Variants in GPT2 observed in about 807,000 individuals in gnomAD.
The protein encoded by GPT2 is alanine aminotransferase 2.
Under a neutral mutation model 56.9 loss-of-function variants are expected in GPT2, and 30 were observed. The observed-to-expected ratio is 0.53, with a 90% confidence interval of 0.39 to 0.72. The LOEUF is 0.72. Ranked by LOEUF, GPT2 falls within the 30% of genes least tolerant of loss-of-function variation. The pLI is 0.00. For synonymous variants in GPT2, 271 were observed against 283.1 expected (o/e 0.96, Z 0.43); for missense variants, 542 against 703.4 (o/e 0.77, Z 2.60).
At chr16:46,884,623 G>A (rs578140583) in intron 1 of GPT2, 71 bp from the exon 2 acceptor site, 1 of 1,299,386 alleles carries the variant, frequency 7.7e-7, no homozygotes, top group Non-Finnish European at 9.8e-7. Context: ...CCTTGGCTGG[G>A]CTTGTGTGGG....
intron 7 of GPT2, among the ~76,000 whole-genome samples, chr16:46,917,982 C>G (rs560479306): frequency 2.4e-4 from 37 of 152,202 alleles, no homozygotes; most frequent in Non-Finnish European, 4.4e-4. Context: ...GACCCTCCGA[C>G]TGATCCCCAG....
intron 6 of GPT2, among the ~76,000 whole-genome samples, chr16:46,910,992 G>A (rs540398876): frequency 1.7e-4 from 26 of 152,136 alleles, no homozygotes; most frequent in Non-Finnish European, 2.6e-4. Context: ...CAAACTTACC[G>A]TTAATCATAG....
At chr16:46,917,741 GAC>G (rs578121413) in intron 7 of GPT2, among the ~76,000 whole-genome samples, 5 of 151,456 alleles carry the variant, frequency 3.3e-5, no homozygotes, top group African/African-American at 4.9e-5. Context: ...TGTACATACA[GAC>G]ACACACAGAC....
At chr16:46,897,545 A>G (rs1429712122) in intron 2 of GPT2, 103 bp from the exon 3 acceptor site, 1 of 1,065,642 alleles carries the variant, frequency 9.4e-7, no homozygotes, top group Non-Finnish European at 1.4e-6. Context: ...GTAAGCCTCA[A>G]AATAGGGCTG....
At chr16:46,916,785 C>T in intron 7 of GPT2, 78 bp downstream of exon 7, 1 of 983,914 alleles carries the variant, frequency 1.0e-6, no homozygotes, top group Non-Finnish European at 1.6e-6. Flanking sequence ...CATTGTTCTG[C>T]AGCCAGAGAG....
chr16:46,893,352 C>G (rs148922538), intron 2 of GPT2, among the ~76,000 whole-genome samples: 3 of 152,034 alleles, frequency 2.0e-5, no homozygotes, highest in East Asian at 3.9e-4. Context: ...AGGATGGTCT[C>G]GATCTGCTGA....
At chr16:46,905,459 G>A (rs1379238795) in intron 4 of GPT2, among the ~76,000 whole-genome samples, 2 of 152,212 alleles carry the variant, frequency 1.3e-5, no homozygotes, top group Middle Eastern at 3.4e-3. Context: ...GCCTCCTGGG[G>A]GTGGTTTTTG....
At chr16:46,893,995 G>A (rs535299270) in intron 2 of GPT2, among the ~76,000 whole-genome samples, 11 of 152,152 alleles carry the variant, frequency 7.2e-5, no homozygotes, top group South Asian at 2.1e-4. Flanking sequence ...TTGAGTTCCC[G>A]GATGCAGGAG....
rs775108323 is a variant in GPT2, at chr16:46,916,725, C to T, written c.900+18C>T. On this transcript the variant is annotated intron_variant, in intron 7 of 11. Transcript: ENST00000340124. ...CTGATGAGGTAAGAATGTCCCCACTCAGAGGGAGTGGGCACTAGCTTTCTC... is the reference window on the plus strand; with the variant it reads ...CTGATGAGGTAAGAATGTCCCCACTTAGAGGGAGTGGGCACTAGCTTTCTC... 31 of 1,567,114 alleles carry T rather than the reference C, an allele frequency of 2.0e-5. No individual in the cohort carries two copies. Among genetic ancestry groups the T allele is most frequent in the African/African-American group, 2.7e-5 (2 of 73,962 alleles).
intron 6 of GPT2, among the ~76,000 whole-genome samples, chr16:46,912,769 G>A (rs114825245): frequency 0.017 from 2,588 of 152,228 alleles, 84 homozygotes; most frequent in African/African-American, 0.058. Flanking sequence ...AGGGGATGCC[G>A]CAGACTTTCA....
chr16:46,909,562 T>C, intron 5 of GPT2, 122 bp from the exon 6 acceptor site: 2 of 1,110,296 alleles, frequency 1.8e-6, no homozygotes, highest in Non-Finnish European at 2.6e-6. Flanking sequence ...AAACTGAGAC[T>C]CGGGGAAGTA....
chr16:46,906,799 C>T (rs1164128722), intron 4 of GPT2, 43 bp from the exon 5 acceptor site: 1 of 1,607,370 alleles, frequency 6.2e-7, no homozygotes, highest in South Asian at 1.1e-5. Context: ...CCTGTGGAGC[C>T]AGACATCCTG....
chr16:46,908,057 A>G (rs1413349154), intron 5 of GPT2, among the ~76,000 whole-genome samples: 122 of 86,492 alleles, frequency 1.4e-3, no homozygotes, highest in African/African-American at 1.9e-3. Flanking sequence ...GGGGACTGGT[A>G]GAGCCTGCAG....
chr16:46,922,965 A>G (rs1018371145), intron 9 of GPT2, among the ~76,000 whole-genome samples: 3 of 152,204 alleles, frequency 2.0e-5, no homozygotes, highest in Non-Finnish European at 2.9e-5. Flanking sequence ...TAACCTTTAT[A>G]AAGTGCTCGG....
chr16:46,922,115 A>G, intron 8 of GPT2, 127 bp from the exon 9 acceptor site: 1 of 798,098 alleles, frequency 1.3e-6, no homozygotes, highest in Non-Finnish European at 2.0e-6. Context: ...TTCCATTGGC[A>G]AGAACTCAGC....
chr16:46,909,879 C>A lies in GPT2; in HGVS notation c.772C>A (p.His258Asn). ...LRRAVQEAKD[H>N]CDPKVLCIIN... Reference sequence around the variant, plus strand: ...GCGGGCGGTGCAGGAGGCCAAAGACCACTGTGATCCTAAGGTGCTCTGCAT... The same window carrying A: ...GCGGGCGGTGCAGGAGGCCAAAGACAACTGTGATCCTAAGGTGCTCTGCAT... Residue 258 changes from histidine (H) to asparagine (N), a missense_variant, in exon 6 of 12, where the codon CAC (histidine) becomes AAC (asparagine). Physicochemically the swap from His to Asn is moderately conservative, Grantham distance 68. Transcript: ENST00000340124. The A allele has an allele frequency of 1.2e-6, 2 of 1,614,050 alleles. No individual in the cohort carries two copies. Among genetic ancestry groups the A allele is most frequent in the Non-Finnish European group, 1.7e-6 (2 of 1,179,972 alleles).
intron 4 of GPT2, among the ~76,000 whole-genome samples, chr16:46,906,450 C>T (rs894312490): frequency 2.6e-5 from 4 of 152,194 alleles, no homozygotes; most frequent in Non-Finnish European, 4.4e-5. Flanking sequence ...CATGGGAATC[C>T]CAGCTCTAGT....
intron 5 of GPT2, 107 bp from the exon 6 acceptor site, chr16:46,909,577 G>A (rs1961001457): frequency 5.3e-6 from 7 of 1,309,082 alleles, no homozygotes; most frequent in South Asian, 2.9e-5. Flanking sequence ...GAAGTAAAGC[G>A]ACTTGCACAG....
chr16:46,890,329 C>T (rs1256569456), intron 2 of GPT2, among the ~76,000 whole-genome samples: 1 of 152,104 alleles, frequency 6.6e-6, no homozygotes, highest in Non-Finnish European at 1.5e-5. Context: ...GATCAGGAGC[C>T]CGGGAGCATT....
Sources: gnomAD v4.1 joint callset for allele counts (sites outside exome capture counted in the v4.1 genomes callset) on GRCh38, gnomAD v4.1.1 for gene constraint, MANE v1.5 for transcripts, NCBI Gene and HGNC (gene_info 2026-07-23, HGNC 2026-07-21) for gene names.